The following THSD4 variants were observed in gnomAD, a reference collection of about 807,000 sequenced individuals.
THSD4 encodes the protein thrombospondin type-1 domain-containing protein 4.
THSD4 carries 69 observed loss-of-function variants against 119.0 expected under a neutral mutation model. That is an observed-to-expected ratio of 0.58 (90% CI 0.48 to 0.71). The LOEUF (loss-of-function observed/expected upper bound fraction) is 0.71. Ranked by LOEUF, THSD4 falls within the 30% of genes least tolerant of loss-of-function variation. THSD4 has a pLI of 0.00. For synonymous variants in THSD4, 524 were observed against 540.4 expected (o/e 0.97, Z 0.42); for missense variants, 1,393 against 1,391.1 (o/e 1.00, Z -0.02).
At chr15:71,259,511 G>A (rs1167114117) in intron 6 of THSD4, among the ~76,000 whole-genome samples, 1 of 152,196 alleles carries the variant, frequency 6.6e-6, no homozygotes, top group Non-Finnish European at 1.5e-5. Context: ...AGTAGCAGAT[G>A]CCTTAGAGAA....
At chr15:71,138,506 T>C (rs2040571012) in intron 1 of THSD4, among the ~76,000 whole-genome samples, 1 of 152,206 alleles carries the variant, frequency 6.6e-6, no homozygotes, top group Admixed American at 6.5e-5. Context: ...CCTCTCTTTC[T>C]CTTGTCACCT....
intron 7 of THSD4, among the ~76,000 whole-genome samples, chr15:71,537,435 T>A (rs2048701916): frequency 6.6e-6 from 1 of 152,136 alleles, no homozygotes; most frequent in Non-Finnish European, 1.5e-5. Flanking sequence ...CCCCCTTGGT[T>A]GCTTCTATTC....
At position 71,581,553 on chromosome 15, in the gene THSD4, CT is replaced by C. The variant is rs2049559384; in HGVS notation, c.1153-78976del. On this transcript the variant is annotated intron_variant, in intron 7 of 17. Transcript: ENST00000261862. ...TTTAGTCTGATGCAATCTCACTTGT[CT>C]GTTTTTGCTTTTGTTGCCTGTGCAA... Among the ~76,000 whole-genome samples the C allele has an allele frequency of 2.6e-5, 4 of 152,132 alleles. No homozygotes were observed. In the South Asian group the frequency reaches 8.3e-4, roughly 31 times the overall value.
At chr15:71,543,171 A>G (rs773231389) in intron 7 of THSD4, among the ~76,000 whole-genome samples, 4 of 152,206 alleles carry the variant, frequency 2.6e-5, no homozygotes, top group Admixed American at 1.3e-4. Flanking sequence ...TATCATAGTT[A>G]TGTAAGATGT....
intron 8 of THSD4, among the ~76,000 whole-genome samples, chr15:71,664,271 C>G (rs896385466): frequency 1.3e-5 from 2 of 152,150 alleles, no homozygotes; most frequent in Non-Finnish European, 2.9e-5. Flanking sequence ...CATGAGCCAC[C>G]ATGCCCAGCC....
intron 5 of THSD4, among the ~76,000 whole-genome samples, chr15:71,245,636 G>T (rs1349794472): frequency 6.6e-6 from 1 of 152,194 alleles, no homozygotes; most frequent in Non-Finnish European, 1.5e-5. Flanking sequence ...GCAATGACTT[G>T]TTATAACATG....
At chr15:71,246,886 CTTTTTTTTTTT>C (rs67700872) in intron 5 of THSD4, among the ~76,000 whole-genome samples, 1 of 114,510 alleles carries the variant, frequency 8.7e-6, no homozygotes, top group Non-Finnish European at 1.8e-5. Flanking sequence ...GGTCCAAAGT[CTTTTTTTTTTT>C]TTTTTTTTTT....
intron 6 of THSD4, among the ~76,000 whole-genome samples, chr15:71,386,535 A>C (rs907820296): frequency 2.6e-5 from 4 of 152,254 alleles, no homozygotes; most frequent in African/African-American, 9.6e-5. Context: ...ATACTGACAC[A>C]TGTAAGAGAA....
At chr15:71,609,251 A>T (rs1388522063) in intron 7 of THSD4, among the ~76,000 whole-genome samples, 1 of 152,222 alleles carries the variant, frequency 6.6e-6, no homozygotes, top group Non-Finnish European at 1.5e-5. Flanking sequence ...AATTCATACA[A>T]ATTAGTTAAC....
intron 8 of THSD4, among the ~76,000 whole-genome samples, chr15:71,678,358 C>T (rs1164269006): frequency 6.6e-6 from 1 of 152,192 alleles, no homozygotes; most frequent in African/African-American, 2.4e-5. Flanking sequence ...TAACCAACAG[C>T]TGGGGATGAC....
chr15:71,563,315 C>T (rs529012760), intron 7 of THSD4, among the ~76,000 whole-genome samples: 3 of 152,212 alleles, frequency 2.0e-5, no homozygotes, highest in African/African-American at 7.2e-5. Context: ...CTGGAAATCT[C>T]GGATAGTAAA....
chr15:71,363,555 G>A (rs2045921136), intron 6 of THSD4, among the ~76,000 whole-genome samples: 2 of 152,176 alleles, frequency 1.3e-5, no homozygotes, highest in Non-Finnish European at 1.5e-5. Context: ...AGTGGAAAAT[G>A]TTAAAGAATA....
At chr15:71,547,666 T>C (rs1595875276) in intron 7 of THSD4, 1 of 687,644 alleles carries the variant, frequency 1.5e-6, no homozygotes. Flanking sequence ...TTGAAGAATT[T>C]TATACTTTCT....
intron 3 of THSD4, among the ~76,000 whole-genome samples, chr15:71,168,319 G>A (rs575656861): frequency 2.6e-5 from 4 of 152,286 alleles, no homozygotes; most frequent in African/African-American, 9.6e-5. Context: ...TTTTTTACAA[G>A]TCATAATGTG....
chr15:71,569,709 A>G (rs2049313394), intron 7 of THSD4, among the ~76,000 whole-genome samples: 1 of 152,212 alleles, frequency 6.6e-6, no homozygotes, highest in Non-Finnish European at 1.5e-5. Context: ...AAAATAAGTG[A>G]AAGGCTGGGT....
intron 7 of THSD4, among the ~76,000 whole-genome samples, chr15:71,584,771 C>G (rs984077999): frequency 3.3e-5 from 5 of 151,644 alleles, no homozygotes; most frequent in African/African-American, 1.2e-4. Context: ...TTCCTTTTTT[C>G]CTTTCTTCCT....
At chr15:71,111,674 G>C, upstream of THSD4, 2 of 555,572 alleles carry the variant, frequency 3.6e-6, no homozygotes, top group Non-Finnish European at 6.4e-6. Context: ...GATGGATCCT[G>C]GTACCTCCTT....
chr15:71,389,810 G>GTTTTTTTTTTTTTTTTTTTTTTTTTTTTT lies in THSD4; in HGVS notation c.1016-21860_1016-21859insTTTTTTTTTTTTTTTTTTTTTTTTTTTTT, dbSNP rs556682631. Among the ~76,000 whole-genome samples the GTTTTTTTTTTTTTTTTTTTTTTTTTTTTT allele has an allele frequency of 2.3e-5, 2 of 87,998 alleles. 1 individual carries two copies. Among genetic ancestry groups the GTTTTTTTTTTTTTTTTTTTTTTTTTTTTT allele is most frequent in the Non-Finnish European group, 4.3e-5 (2 of 46,226 alleles). 57.7% of individuals were successfully genotyped at this position (87,998 alleles called of 152,430 possible). A position where few individuals can be genotyped will look rare whatever the true frequency, so the allele number is the denominator to read the frequency against. ...GCCAACACTTGCTATTTTCTGGGTT[G>GTTTTTTTTTTTTTTTTTTTTTTTTTTTTT]TTTTTTTTTTTTTTTTTGACACAGA... On this transcript the variant is annotated intron_variant, in intron 6 of 17. Transcript: ENST00000261862.
At chr15:71,099,744 C>T (rs1312784422) in intron 1 of THSD4, among the ~76,000 whole-genome samples, 3 of 152,156 alleles carry the variant, frequency 2.0e-5, no homozygotes, top group African/African-American at 7.2e-5. Flanking sequence ...GGGGGCAGAT[C>T]GCTTGAACCC....
Sources: gnomAD v4.1 joint callset for allele counts (sites outside exome capture counted in the v4.1 genomes callset) on GRCh38, gnomAD v4.1.1 for gene constraint, MANE v1.5 for transcripts, NCBI Gene and HGNC (gene_info 2026-07-23, HGNC 2026-07-21) for gene names.